Variants in C8orf34 observed in about 807,000 individuals in gnomAD.
The protein encoded by C8orf34 is uncharacterized protein C8orf34.
C8orf34 carries 65 observed loss-of-function variants against 68.3 expected under a neutral mutation model. The observed-to-expected ratio is 0.95, with a 90% CI of 0.78 to 1.17. The LOEUF (loss-of-function observed/expected upper bound fraction) is 1.17, where lower values mean the gene tolerates loss of function less well. Among genes scored for constraint, C8orf34 ranks in the 50% most tolerant of loss-of-function variants. The probability of loss-of-function intolerance (pLI) is 0.00; values close to 1 mark genes in which losing one functional copy is unlikely to be tolerated. For missense variants in C8orf34, 664 were observed against 655.4 expected, an observed-to-expected ratio of 1.01 and a Z score of -0.14; for synonymous variants, 244 against 241.2, an observed-to-expected ratio of 1.01 and a Z score of -0.11.
intron 1 of C8orf34, among the ~76,000 whole-genome samples, chr8:68,359,544 A>G (rs1005295716): frequency 6.6e-6 from 1 of 152,192 alleles, no homozygotes; most frequent in Non-Finnish European, 1.5e-5. Flanking sequence ...TAGTATGTAG[A>G]ATAGAAATGA....
chr8:68,654,155 T>G (rs1266253129), intron 8 of C8orf34, among the ~76,000 whole-genome samples: 1 of 152,130 alleles, frequency 6.6e-6, no homozygotes, highest in East Asian at 1.9e-4. Context: ...TAAGGAAGCA[T>G]GCTTGCCCAC....
chr8:68,387,697 AC>A (rs1166044518), intron 1 of C8orf34, among the ~76,000 whole-genome samples: 1 of 152,098 alleles, frequency 6.6e-6, no homozygotes, highest in East Asian at 1.9e-4. Context: ...CTCGTAGAAA[AC>A]CATTCTTAAT....
chr8:68,499,693 G>C (rs1044277320), intron 5 of C8orf34, among the ~76,000 whole-genome samples: 3 of 152,152 alleles, frequency 2.0e-5, no homozygotes, highest in African/African-American at 7.2e-5. Flanking sequence ...TTAACAAAAG[G>C]AGCAACTTTT....
In C8orf34 at chr8:68,488,005, A is replaced by G; in HGVS notation, c.737-18A>G. 3.8e-6 allele frequency: 6 copies of G among 1,572,932 alleles called. No homozygotes were observed. Among genetic ancestry groups the G allele is most frequent in the Non-Finnish European group, 5.2e-6 (6 of 1,154,400 alleles). Reference sequence around the variant, plus strand: ...TTGCTTCTAAAACTTTTTTTTATAAATCTCTTTTAAATCCCAGGTATTGCA... The same window carrying G: ...TTGCTTCTAAAACTTTTTTTTATAAGTCTCTTTTAAATCCCAGGTATTGCA... On this transcript the variant is annotated intron_variant, in intron 4 of 13. Coordinates refer to ENST00000518698, the MANE Select transcript of C8orf34 (RefSeq NM_052958.4).
At chr8:68,599,435 A>T (rs891756571) in intron 7 of C8orf34, among the ~76,000 whole-genome samples, 1 of 152,052 alleles carries the variant, frequency 6.6e-6, no homozygotes, top group Non-Finnish European at 1.5e-5. Flanking sequence ...TGGAAGATTC[A>T]TACTAATTGA....
chr8:68,446,130 T>C (rs1469130619), intron 2 of C8orf34, among the ~76,000 whole-genome samples, 199 bp from the exon 3 acceptor site: 4 of 152,232 alleles, frequency 2.6e-5, no homozygotes, highest in Non-Finnish European at 5.9e-5. Flanking sequence ...CATATGCATA[T>C]ATAAACTGAT....
At chr8:68,353,134 C>T (rs1806585496) in intron 1 of C8orf34, among the ~76,000 whole-genome samples, 1 of 151,884 alleles carries the variant, frequency 6.6e-6, no homozygotes, top group Admixed American at 6.6e-5. Flanking sequence ...GGGTCATGAG[C>T]CTGGGAGTTT....
Position 68,367,648 on chromosome 8 carries a change from A to G in C8orf34, c.327+36309A>G, listed in dbSNP as rs75228635. Among the ~76,000 whole-genome samples the G allele has an allele frequency of 7.8e-5, 11 of 141,466 alleles. No individual in the cohort carries two copies. The Admixed American group carries it at 8.0e-4, about 10-fold the overall frequency. The allele number at this position is 141,466 out of a possible 152,430, so 92.8% of individuals were successfully genotyped here. The stretch of plus-strand genomic sequence containing the variant: ...ATCATTCTCAGTAAACTATCACAAG[A>G]ACAAAAAACCAAACACCACATATTC... On this transcript the variant is annotated intron_variant, in intron 1 of 13. Coordinates refer to ENST00000518698, the MANE Select transcript of C8orf34 (RefSeq NM_052958.4).
At chr8:68,362,157 A>G (rs901375496) in intron 1 of C8orf34, among the ~76,000 whole-genome samples, 5 of 152,326 alleles carry the variant, frequency 3.3e-5, no homozygotes, top group Middle Eastern at 3.4e-3. Context: ...GTTAAAATGA[A>G]TGGCATTTCC....
chr8:68,670,737 C>T (rs1819984246), intron 8 of C8orf34, among the ~76,000 whole-genome samples: 1 of 152,140 alleles, frequency 6.6e-6, no homozygotes, highest in South Asian at 2.1e-4. Context: ...CTCATATTTG[C>T]AGGACTCCAA....
chr8:68,778,858 G>C (rs1823593147), intron 11 of C8orf34, among the ~76,000 whole-genome samples: 1 of 151,954 alleles, frequency 6.6e-6, no homozygotes, highest in Non-Finnish European at 1.5e-5. Context: ...CATAATTTTT[G>C]TAGCAAATTT....
chr8:68,740,969 T>G (rs1451439657), intron 10 of C8orf34, among the ~76,000 whole-genome samples: 1 of 152,090 alleles, frequency 6.6e-6, no homozygotes, highest in African/African-American at 2.4e-5. Context: ...CTTAGCATAC[T>G]AATACAGGAA....
intron 7 of C8orf34, among the ~76,000 whole-genome samples, chr8:68,591,774 T>G (rs925910252): frequency 3.3e-5 from 5 of 152,180 alleles, no homozygotes; most frequent in African/African-American, 1.2e-4. Context: ...TTAAAATACA[T>G]GCTATATTTT....
intron 1 of C8orf34, among the ~76,000 whole-genome samples, chr8:68,372,150 T>G (rs561851537): frequency 5.3e-5 from 8 of 152,226 alleles, no homozygotes; most frequent in Admixed American, 6.5e-5. Flanking sequence ...TCTGAGGTTC[T>G]TGATCCTAAA....
At chr8:68,439,752 G>A (rs1051788336) in intron 2 of C8orf34, 106 bp downstream of exon 2, 29 of 1,090,256 alleles carry the variant, frequency 2.7e-5, no homozygotes, top group Admixed American at 5.7e-5. Flanking sequence ...AGTTACCAAA[G>A]GTTTCATGTG....
At chr8:68,791,115 A>C in intron 12 of C8orf34, 1 of 507,898 alleles carries the variant, frequency 2.0e-6, no homozygotes, top group Non-Finnish European at 3.4e-6. Flanking sequence ...CGGTTTTCAC[A>C]CTGCTATAAA....
At chr8:68,415,824 A>G (rs551694305) in intron 1 of C8orf34, among the ~76,000 whole-genome samples, 5 of 152,288 alleles carry the variant, frequency 3.3e-5, no homozygotes, top group African/African-American at 9.6e-5. Context: ...GTCTGCCCCA[A>G]ATGGCTTCTC....
intron 8 of C8orf34, among the ~76,000 whole-genome samples, chr8:68,708,221 A>G (rs1320213985): frequency 2.0e-5 from 3 of 152,326 alleles, no homozygotes; most frequent in South Asian, 2.1e-4. Context: ...TATAAAAATT[A>G]TGGTGCACAT....
At chr8:68,335,438 T>C (rs1252149719) in intron 1 of C8orf34, among the ~76,000 whole-genome samples, 1 of 152,188 alleles carries the variant, frequency 6.6e-6, no homozygotes, top group African/African-American at 2.4e-5. Context: ...GTGCTCAAAG[T>C]TATGAAGACT....
Sources: gnomAD v4.1 joint callset for allele counts (sites outside exome capture counted in the v4.1 genomes callset) on GRCh38, gnomAD v4.1.1 for gene constraint, MANE v1.5 for transcripts, NCBI Gene and HGNC (gene_info 2026-07-23, HGNC 2026-07-21) for gene names.